Variants in VAC14 observed in about 807,000 individuals in gnomAD.
The protein encoded by VAC14 is VAC14 component of PIKFYVE complex, also known as protein VAC14 homolog.
Under a neutral mutation model 85.3 loss-of-function variants are expected in VAC14, and 47 were observed. That is an observed-to-expected ratio of 0.55 (90% CI 0.44 to 0.70). The LOEUF is 0.70. Among genes scored for constraint, VAC14 ranks in the 30% least tolerant of loss-of-function variants. The probability of loss-of-function intolerance (pLI) is 0.00; values close to 1 mark genes in which losing one functional copy is unlikely to be tolerated. For synonymous variants in VAC14, 447 were observed against 430.5 expected (o/e 1.04, Z -0.47); for missense variants, 861 against 1,004.3 (o/e 0.86, Z 1.93).
At chr16:70,781,814 C>G (rs928566215) in intron 8 of VAC14, 55 bp downstream of exon 8, 1 of 1,596,548 alleles carries the variant, frequency 6.3e-7, no homozygotes, top group Non-Finnish European at 8.6e-7. Context: ...GGTCCCTCAA[C>G]TTCATAATCC....
intron 9 of VAC14, chr16:70,778,501 T>G (rs1156766044): frequency 6.6e-6 from 1 of 152,150 alleles, no homozygotes; most frequent in Non-Finnish European, 1.5e-5. Context: ...AGTGTTCAAC[T>G]AGGTAGTTTT....
intron 14 of VAC14, among the ~76,000 whole-genome samples, chr16:70,701,180 TTC>T (rs1399770667): frequency 1.3e-5 from 2 of 152,202 alleles, no homozygotes; most frequent in Non-Finnish European, 2.9e-5. Flanking sequence ...CCTTCCGCTC[TTC>T]TCTCTCTAGT....
Position 70,786,272 on chromosome 16 carries a change from G to GCAC in VAC14, c.197_198insGTG (p.Pro66_His67insCys). The GCAC allele has an allele frequency of 6.2e-7, 1 of 1,614,248 alleles. No homozygotes were observed. Among genetic ancestry groups the GCAC allele is most frequent in the Non-Finnish European group, 8.5e-7 (1 of 1,180,038 alleles). ...CGATGAGGCCCCCTTTCCGGCTGTGGGGGTGCTGAGACAGGGCAAACTCCT... is the reference window on the plus strand; with the variant it reads ...CGATGAGGCCCCCTTTCCGGCTGTGGCACGGGTGCTGAGACAGGGCAAACTCCT... On this transcript the variant is annotated inframe_insertion, in exon 2 of 19. Transcript: ENST00000261776.
At chr16:70,747,802 C>T (rs566010322) in intron 12 of VAC14, 157 of 152,494 alleles carry the variant, frequency 1.0e-3, no homozygotes, top group Middle Eastern at 3.4e-3. Flanking sequence ...AAAGTGTGAT[C>T]CAGCGGGGCG....
intron 10 of VAC14, among the ~76,000 whole-genome samples, chr16:70,765,819 G>C (rs145952555): frequency 5.8e-4 from 89 of 152,308 alleles, no homozygotes; most frequent in African/African-American, 1.9e-3. Context: ...AAGGAGGTTA[G>C]CACACATTTT....
At chr16:70,689,424 G>A in intron 18 of VAC14, 1 of 985,360 alleles carries the variant, frequency 1.0e-6, no homozygotes, top group Non-Finnish European at 1.2e-6. Context: ...TTGGCCATGA[G>A]TTCAGTCCAG....
In VAC14 at chr16:70,710,779, C is replaced by T. The variant is rs960614062; in HGVS notation, c.1662-11968G>A. ...GGACCCAACTTGGGTCCAGCAGCCC[C>T]AGTGTTCATATGGCCATAGCCCCGT... On this transcript the variant is annotated intron_variant, in intron 14 of 18. Coordinates refer to ENST00000261776, the MANE Select transcript of VAC14 (RefSeq NM_018052.5). Among the ~76,000 whole-genome samples, 4 of 152,366 alleles carry T rather than the reference C, an allele frequency of 2.6e-5. No homozygotes were observed. The East Asian group carries it at 5.8e-4, about 22-fold the overall frequency.
chr16:70,728,208 A>T (rs990737200), intron 14 of VAC14, among the ~76,000 whole-genome samples: 2 of 151,978 alleles, frequency 1.3e-5, no homozygotes, highest in African/African-American at 4.8e-5. Context: ...AGAGCAAGCG[A>T]TCGCCATACT....
At chr16:70,771,412 T>C (rs1377341140) in intron 10 of VAC14, 2 of 152,172 alleles carry the variant, frequency 1.3e-5, no homozygotes, top group Non-Finnish European at 2.9e-5. Context: ...GTGGGTCTTG[T>C]TGGCCCCCCA....
Position 70,784,817 on chromosome 16 carries a change from T to C in VAC14, c.445A>G (p.Asn149Asp). The change falls in exon 4 of 19, where the codon AAT becomes GAT. Residue 149 changes from asparagine (N) to aspartate (D), a missense_variant. Coordinates refer to ENST00000261776, the MANE Select transcript of VAC14 (RefSeq NM_018052.5). ...AGGAGCTCAGATCCGCTTTTCACAT[T>C]GGGGTCTGGGTCGGCTGCCAGCTGC... ...LSKLAADPDP[N>D]VKSGSELLDR... 1 of 1,613,968 alleles carries C rather than the reference T, an allele frequency of 6.2e-7. No individual in the cohort carries two copies. Among genetic ancestry groups the C allele is most frequent in the Non-Finnish European group, 8.5e-7 (1 of 1,180,004 alleles).
chr16:70,763,439 C>G (rs2032568657), intron 10 of VAC14, among the ~76,000 whole-genome samples: 1 of 152,230 alleles, frequency 6.6e-6, no homozygotes, highest in Admixed American at 6.5e-5. Context: ...GCATTAAGTT[C>G]AGACCCTTTC....
chr16:70,795,525 C>T (rs1346504849), intron 1 of VAC14, among the ~76,000 whole-genome samples: 3 of 151,262 alleles, frequency 2.0e-5, no homozygotes, highest in African/African-American at 4.9e-5. Flanking sequence ...AAGAATGCAT[C>T]CCTCTGAAGC....
chr16:70,726,296 G>A (rs747370835), intron 14 of VAC14, among the ~76,000 whole-genome samples: 5 of 152,234 alleles, frequency 3.3e-5, no homozygotes, highest in East Asian at 1.9e-4. Flanking sequence ...TAGCGGAGCC[G>A]GGCCGGGCCG....
chr16:70,789,011 C>T (rs769213377), intron 1 of VAC14, among the ~76,000 whole-genome samples: 1 of 152,252 alleles, frequency 6.6e-6, no homozygotes, highest in Non-Finnish European at 1.5e-5. Context: ...GTTGTGCTGT[C>T]CTCAGCCTTG....
At chr16:70,750,043 C>T (rs1025032827) in intron 12 of VAC14, among the ~76,000 whole-genome samples, 4 of 152,342 alleles carry the variant, frequency 2.6e-5, no homozygotes, top group South Asian at 2.1e-4. Flanking sequence ...GGAGACCCTG[C>T]AACCCTTGGT....
intron 13 of VAC14, among the ~76,000 whole-genome samples, chr16:70,738,153 G>A (rs2054821674): frequency 6.6e-6 from 1 of 152,230 alleles, no homozygotes; most frequent in Admixed American, 6.5e-5. Context: ...GGAACCAAGA[G>A]GACAGGGTGG....
intron 12 of VAC14, among the ~76,000 whole-genome samples, chr16:70,748,525 G>A (rs752348955): frequency 2.6e-5 from 4 of 152,236 alleles, no homozygotes; most frequent in African/African-American, 9.6e-5. Flanking sequence ...ATTCATGGAC[G>A]CAGAACCACG....
At chr16:70,780,368 C>T (rs1438016034) in intron 9 of VAC14, among the ~76,000 whole-genome samples, 3 of 152,126 alleles carry the variant, frequency 2.0e-5, no homozygotes, top group African/African-American at 4.8e-5. Flanking sequence ...GGTGGCTGGA[C>T]GTCTACGGCC....
At chr16:70,769,952 T>C (rs1312367635) in intron 10 of VAC14, 1 of 152,260 alleles carries the variant, frequency 6.6e-6, no homozygotes, top group Non-Finnish European at 1.5e-5. Flanking sequence ...TGTGACACTG[T>C]CTCCACAGCC....
Sources: gnomAD v4.1 joint callset for allele counts (sites outside exome capture counted in the v4.1 genomes callset) on GRCh38, gnomAD v4.1.1 for gene constraint, MANE v1.5 for transcripts, NCBI Gene and HGNC (gene_info 2026-07-23, HGNC 2026-07-21) for gene names.